Variants in ERFL observed in about 807,000 individuals in gnomAD.
ERFL encodes ETS repressor factor like.
In ERFL, 8 loss-of-function variants were observed where a neutral mutation model predicts 27.9. The ratio of observed to expected loss-of-function variants is 0.29; its 90% CI spans 0.17 to 0.52. The LOEUF (loss-of-function observed/expected upper bound fraction) is 0.52, where lower values mean the gene tolerates loss of function less well. ERFL is among the 20% of genes least tolerant of loss of function. ERFL has a pLI of 0.97. For synonymous variants in ERFL, 174 were observed against 202.8 expected, an observed-to-expected ratio of 0.86 and a Z score of 1.21; for missense variants, 294 against 444.4, an observed-to-expected ratio of 0.66 and a Z score of 3.04.
Position 41,909,260 on chromosome 19 carries a change from C to T in ERFL, c.498+16G>A. 2 of 1,232,520 alleles carry T rather than the reference C, an allele frequency of 1.6e-6. No homozygotes were observed. The highest frequency in any genetic ancestry group is 2.0e-6 in the Non-Finnish European group (2 of 988,566). 76.3% of individuals were successfully genotyped at this position (1,232,520 alleles called of 1,614,324 possible). On this transcript the variant is annotated intron_variant, in intron 4 of 5. Transcript: ENST00000597630. This position sits in a 1 kb window ranked among gnomAD's most constrained non-coding sequence, Gnocchi z 5.2. Reference sequence around the variant, plus strand: ...ACCAAGTGCCTCGGTTCCAGGACCCCAGTACCCAGACTCACCTCAGGGGTG... The same window carrying T: ...ACCAAGTGCCTCGGTTCCAGGACCCTAGTACCCAGACTCACCTCAGGGGTG...
chr19:41,914,573 C>CTGT (rs1568831570), intron 1 of ERFL, among the ~76,000 whole-genome samples: 5 of 27,670 alleles, frequency 1.8e-4, no homozygotes, highest in Admixed American at 5.0e-4. Context: ...ATCTCTGTCT[C>CTGT]CGTCTCTCCC....
rs2074747626 is a variant in ERFL, at chr19:41,910,843, G to C, written c.68-746C>G. ...ACCGGAGTGCCACACTCATGCTGGG[G>C]GCCACCAAGGCTGACATGGCAGACA... On this transcript the variant is annotated intron_variant, in intron 2 of 5. Coordinates refer to ENST00000597630, the MANE Select transcript of ERFL (RefSeq NM_001365103.2). This position sits in a 1 kb window ranked among gnomAD's most constrained non-coding sequence, Gnocchi z 4.4. Among the ~76,000 whole-genome samples, 1 of 152,106 alleles carries C rather than the reference G, an allele frequency of 6.6e-6. No homozygotes were observed. Among genetic ancestry groups the C allele is most frequent in the Non-Finnish European group, 1.5e-5 (1 of 68,016 alleles).
At chr19:41,927,101 CAG>C (rs2074876243) in intron 1 of ERFL, among the ~76,000 whole-genome samples, 2 of 152,124 alleles carry the variant, frequency 1.3e-5, no homozygotes, top group South Asian at 4.2e-4. Flanking sequence ...CTGTGAGAGA[CAG>C]AGATAGAGAG....
chr19:41,909,886 G>T lies in ERFL; in HGVS notation c.279C>A (p.Tyr93Ter). 1 of 1,613,000 alleles carries T rather than the reference G, an allele frequency of 6.2e-7. No individual in the cohort carries two copies. Residue 93 changes from tyrosine to a stop codon, truncating the protein, a stop_gained, in exon 3 of 6, where the codon TAC (tyrosine) becomes TAA (stop). Transcript: ENST00000597630. LOFTEE classifies it high-confidence loss of function. The surrounding 1 kb of genome is among the most constrained non-coding windows in gnomAD (Gnocchi z 5.2). ...GIRKCKPHMN[Y>*]DKLSRALRYY... ...ACCGCAGGGCCCGGCTCAGCTTGTC[G>T]TAATTCATGTGGGGCTTGCATTTGC...
rs1555851121 is a variant in ERFL at position 41,910,118 on chromosome 19, G to A, written c.68-21C>T. ...AAACCCTGGGGACGGGAGGCAGGGA[G>A]TGGCCTGGGGTCAGGATGCCAAGTC... On this transcript the variant is annotated intron_variant, in intron 2 of 5. Coordinates refer to ENST00000597630, the MANE Select transcript of ERFL (RefSeq NM_001365103.2). This position sits in a 1 kb window ranked among gnomAD's most constrained non-coding sequence, Gnocchi z 4.4. 6.2e-7 allele frequency: 1 copy of A among 1,600,892 alleles called. No homozygotes were observed. Among genetic ancestry groups the A allele is most frequent in the African/African-American group, 1.3e-5 (1 of 74,614 alleles).
Position 41,921,852 on chromosome 19 carries a change from C to T in ERFL, c.-14+6188G>A, listed in dbSNP as rs1027215878. Among the ~76,000 whole-genome samples, 4 of 151,910 alleles carry T rather than the reference C, an allele frequency of 2.6e-5. No individual in the cohort carries two copies. The highest frequency in any genetic ancestry group is 9.7e-5 in the African/African-American group (4 of 41,310). On this transcript the variant is annotated intron_variant, in intron 1 of 5. Coordinates refer to ENST00000597630, the MANE Select transcript of ERFL (RefSeq NM_001365103.2). The surrounding 1 kb of genome is among the most constrained non-coding windows in gnomAD (Gnocchi z 4.4). ...GTTGGTGTCCCCTGGGAGTCCGACC[C>T]ATCCCAGCTTCAAAGCCCACCCTAC... is the stretch of plus-strand genomic sequence containing the variant.
rs909012818 is a variant in ERFL at position 41,907,784 on chromosome 19, G to A, written c.*444C>T. 1 of 192,336 alleles carries A rather than the reference G, an allele frequency of 5.2e-6. No individual in the cohort carries two copies. The highest frequency in any genetic ancestry group is 1.1e-5 in the Non-Finnish European group (1 of 95,220). 11.9% of individuals were successfully genotyped at this position (192,336 alleles called of 1,614,324 possible). ...ATCATGGGGAGCTGGTGGGGAGGGG[G>A]GCCCCTCCTGGGTGGGGGCTGGGGG... On this transcript the variant is annotated 3_prime_UTR_variant, in exon 6 of 6. Coordinates refer to ENST00000597630, the MANE Select transcript of ERFL (RefSeq NM_001365103.2).
intron 1 of ERFL, among the ~76,000 whole-genome samples, chr19:41,915,412 G>A (rs111458121): frequency 0.027 from 4,022 of 151,512 alleles, 181 homozygotes; most frequent in African/African-American, 0.092. Flanking sequence ...CCGTCTGTCC[G>A]TCCCTCCCAT....
rs888001072 is a variant in ERFL at position 41,912,896 on chromosome 19, G to T, written c.24C>A (p.Asp8Glu). Reference sequence around the variant, plus strand: ...GCAGGGCGGGCGGGGCGAAGAGAAGGTCGGAGACGCAGCTACAGTCCATGG... The same window carrying T: ...GCAGGGCGGGCGGGGCGAAGAGAAGTTCGGAGACGCAGCTACAGTCCATGG... MDCSCVS[D>E]LLFAPPALPA... Residue 8 changes from aspartate to glutamate, a missense_variant, in exon 2 of 6, where the codon GAC (aspartate) becomes GAA (glutamate). By Grantham distance (45) the Asp-to-Glu change is conservative (BLOSUM62 2). Around this residue, in one of 3 missense-constraint regions of ERFL, gnomAD observed 38 missense variants for 35.3 expected, o/e 1.08. Transcript: ENST00000597630. 1.5e-5 allele frequency: 18 copies of T among 1,231,572 alleles called. No individual in the cohort carries two copies. Among genetic ancestry groups the T allele is most frequent in the Admixed American group, 4.2e-5 (1 of 23,704 alleles). The allele number at this position is 1,231,572 out of a possible 1,614,324, so 76.3% of individuals were successfully genotyped here. A position where few individuals can be genotyped will look rare whatever the true frequency, so the allele number is the denominator to read the frequency against.
Position 41,916,376 on chromosome 19 carries a change from G to A in ERFL, c.-13-3444C>T, listed in dbSNP as rs782487343. 1.3e-5 allele frequency among the ~76,000 whole-genome samples: 2 copies of A among 151,806 alleles called. No individual in the cohort carries two copies. Among genetic ancestry groups the A allele is most frequent in the Non-Finnish European group, 2.9e-5 (2 of 67,966 alleles). ...TGCCACACACAACCCACATCACACA[G>A]ATGCATGTGTCAGTAAAGTCACACA... On this transcript the variant is annotated intron_variant, in intron 1 of 5. Transcript: ENST00000597630. This position sits in a 1 kb window ranked among gnomAD's most constrained non-coding sequence, Gnocchi z 5.4.
chr19:41,926,377 G>T (rs553461063), intron 1 of ERFL, among the ~76,000 whole-genome samples: 2 of 152,268 alleles, frequency 1.3e-5, no homozygotes, highest in East Asian at 3.9e-4. Flanking sequence ...GGAGATAGAT[G>T]TTACCTGGAA....
rs549170994 is a variant in ERFL at position 41,917,619 on chromosome 19, G to A, written c.-13-4687C>T. 1.5e-4 allele frequency among the ~76,000 whole-genome samples: 23 copies of A among 151,714 alleles called. No homozygotes were observed. Among genetic ancestry groups the A allele is most frequent in the African/African-American group, 5.1e-4 (21 of 41,284 alleles). ...AGACCCTTCTGCCACCGCCGCCCCC[G>A]CATGCACACACCATGCCCCAAAGCA... On this transcript the variant is annotated intron_variant, in intron 1 of 5. Coordinates refer to ENST00000597630, the MANE Select transcript of ERFL (RefSeq NM_001365103.2). The surrounding 1 kb of genome is among the most constrained non-coding windows in gnomAD (Gnocchi z 4.8).
rs1555851601 is a variant in ERFL, at chr19:41,914,601, T to TGTCTCC, written c.-13-1670_-13-1669insGGAGAC. Among the ~76,000 whole-genome samples, 41 of 64,530 alleles carry TGTCTCC rather than the reference T, an allele frequency of 6.4e-4. 2 individuals carry two copies. Among genetic ancestry groups the TGTCTCC allele is most frequent in the South Asian group, 1.9e-3 (3 of 1,592 alleles). The allele number at this position is 64,530 out of a possible 152,430, so 42.3% of individuals were successfully genotyped here. On this transcript the variant is annotated intron_variant, in intron 1 of 5. Coordinates refer to ENST00000597630, the MANE Select transcript of ERFL (RefSeq NM_001365103.2). Reference sequence around the variant, plus strand: ...TCTCTCCCTCCCTTTCCACCATCTCTGTCTCTCCCTCCCCTTCCACCATCT... The same window carrying TGTCTCC: ...TCTCTCCCTCCCTTTCCACCATCTCTGTCTCCGTCTCTCCCTCCCCTTCCACCATCT...
In ERFL at chr19:41,908,236, C is replaced by T. The variant is rs149218370; in HGVS notation, c.1057G>A (p.Gly353Ser). 35,857 of 1,231,710 alleles carry T rather than the reference C, an allele frequency of 0.029. 570 individuals carry two copies. The highest frequency in any genetic ancestry group is 0.033 in the Non-Finnish European group (32,867 of 987,972). 76.3% of individuals were successfully genotyped at this position (1,231,710 alleles called of 1,614,324 possible). ...CATTGCCCCCTGCCGGCTCAGCTGCCGGTCCCCCCTTTGCCCGCCTTTGCC... is the reference window on the plus strand; with the variant it reads ...CATTGCCCCCTGCCGGCTCAGCTGCTGGTCCCCCCTTTGCCCGCCTTTGCC... Reference protein sequence around the residue: ...PKAKAGKGGTGS With the variant: ...PKAKAGKGGTSS Residue 353 changes from glycine to serine, a missense_variant, in exon 6 of 6, where the codon GGC becomes AGC. By Grantham distance (56) the Gly-to-Ser change is moderately conservative (BLOSUM62 0). This residue lies in a region of ERFL where 246 missense variants were observed against 371.4 expected (regional missense o/e 0.66). Transcript: ENST00000597630. The surrounding 1 kb of genome is among the most constrained non-coding windows in gnomAD (Gnocchi z 6.7).
At chr19:41,927,780 C>T (rs1415569770) in intron 1 of ERFL, among the ~76,000 whole-genome samples, 6 of 152,158 alleles carry the variant, frequency 3.9e-5, no homozygotes, top group African/African-American at 1.4e-4. Context: ...CTCTCACTCG[C>T]TCTCCCTCCC....
intron 1 of ERFL, among the ~76,000 whole-genome samples, chr19:41,922,858 G>A (rs1254592258): frequency 6.6e-6 from 1 of 152,216 alleles, no homozygotes; most frequent in African/African-American, 2.4e-5. Context: ...TGCCGCCGAG[G>A]CGGATCGATC....
chr19:41,918,617 CA>C (rs1312042301), intron 1 of ERFL, among the ~76,000 whole-genome samples: 1 of 142,096 alleles, frequency 7.0e-6, no homozygotes, highest in Non-Finnish European at 1.5e-5. Context: ...AAACCACACA[CA>C]CCACATCACT....
intron 1 of ERFL, among the ~76,000 whole-genome samples, chr19:41,918,529 CCATA>C (rs1270780858): frequency 6.8e-6 from 1 of 146,680 alleles, no homozygotes; most frequent in African/African-American, 2.5e-5. Context: ...CACACACACA[CCATA>C]CACTCACCAT....
Position 41,908,336 on chromosome 19 carries a change from C to T in ERFL, c.957G>A (p.Ser319=), listed in dbSNP as rs948435216. 2.1e-5 allele frequency: 26 copies of T among 1,231,384 alleles called. No homozygotes were observed. The highest frequency in any genetic ancestry group is 4.7e-5 in the African/African-American group (3 of 64,386). 76.3% of individuals were successfully genotyped at this position (1,231,384 alleles called of 1,614,324 possible). ...AALGGKEDSD[S]ELEITDVSGC... Reference sequence around the variant, plus strand: ...CGCTGACGTCGGTGATCTCCAGCTCCGAGTCGCTGTCCTCCTTCCCACCAA... The same window carrying T: ...CGCTGACGTCGGTGATCTCCAGCTCTGAGTCGCTGTCCTCCTTCCCACCAA... The change falls in exon 6 of 6, where the codon TCG becomes TCA. Residue 319 remains serine (S), a synonymous_variant. Coordinates refer to ENST00000597630, the MANE Select transcript of ERFL (RefSeq NM_001365103.2). The surrounding 1 kb of genome is among the most constrained non-coding windows in gnomAD (Gnocchi z 6.7).
Sources: allele counts gnomAD v4.1 joint callset (sites outside exome capture counted in the v4.1 genomes callset), GRCh38; gene constraint gnomAD v4.1.1; regional missense constraint gnomAD v4.1.1; non-coding constraint Gnocchi (gnomAD v3.1); transcripts MANE v1.5; gene names NCBI Gene and HGNC (gene_info 2026-07-23, HGNC 2026-07-21).